Variants in MAP3K4 observed in about 807,000 individuals in gnomAD.
MAP3K4 encodes the protein MAP three kinase 1.
A neutral mutation model predicts 185.6 loss-of-function variants in MAP3K4; 67 were observed. The observed-to-expected ratio is 0.36, with a 90% CI of 0.30 to 0.44. The LOEUF is 0.44. Among genes scored for constraint, MAP3K4 ranks in the 20% least tolerant of loss-of-function variants. The pLI, the probability that MAP3K4 is intolerant of heterozygous loss-of-function variation, is 1.00. For synonymous variants in MAP3K4, 702 were observed against 710.4 expected, an observed-to-expected ratio of 0.99 and a Z score of 0.19; for missense variants, 1,551 against 1,995.1, an observed-to-expected ratio of 0.78 and a Z score of 4.24.
chr6:161,057,676 T>C (rs1459497226), intron 3 of MAP3K4, among the ~76,000 whole-genome samples: 4 of 152,160 alleles, frequency 2.6e-5, no homozygotes, highest in Non-Finnish European at 5.9e-5. Flanking sequence ...CTGATTAGGC[T>C]CCAGTGCTCT....
rs1784759913 is a variant in MAP3K4, at chr6:161,067,401, A to G, written c.1708-3207A>G. The G allele has an allele frequency of 5.4e-6, 1 of 184,108 alleles. No individual in the cohort carries two copies. 11.4% of individuals were successfully genotyped at this position (184,108 alleles called of 1,614,324 possible). On this transcript the variant is annotated intron_variant, in intron 3 of 26. Coordinates refer to ENST00000392142, the MANE Select transcript of MAP3K4 (RefSeq NM_005922.4). The surrounding 1 kb of genome is among the most constrained non-coding windows in gnomAD (Gnocchi z 6.3). ...ACAGGATGGGAGGCAGGTTTACCCT[A>G]AGCAGTTCCCAGCTTGACTTTTCCC...
chr6:161,028,924 T>C (rs1163884355), intron 1 of MAP3K4, among the ~76,000 whole-genome samples: 1 of 152,194 alleles, frequency 6.6e-6, no homozygotes, highest in East Asian at 1.9e-4. Context: ...GGATAACTTA[T>C]TAATAAATTG....
chr6:161,055,828 A>G (rs911750788), intron 3 of MAP3K4, among the ~76,000 whole-genome samples: 1 of 152,008 alleles, frequency 6.6e-6, no homozygotes, highest in Non-Finnish European at 1.5e-5. Flanking sequence ...AGGAGTTACT[A>G]TTTTTTCCTT....
At position 161,054,960 on chromosome 6, in the gene MAP3K4, TTCTTC is replaced by T. The variant is rs1784169589; in HGVS notation, c.1707+4986_1707+4990del. Among the ~76,000 whole-genome samples the T allele has an allele frequency of 6.6e-6, 1 of 152,254 alleles. No homozygotes were observed. The highest frequency in any genetic ancestry group is 1.9e-4 in the East Asian group (1 of 5,206). ...TTTTTATATTTTCTCATTTATCTTC[TTCTTC>T]TCTTATTCCATTGCTGTTTAGAACA... On this transcript the variant is annotated intron_variant, in intron 3 of 26. Transcript: ENST00000392142. This position sits in a 1 kb window ranked among gnomAD's most constrained non-coding sequence, Gnocchi z 4.2.
chr6:161,111,987 C>G, intron 24 of MAP3K4, 29 bp downstream of exon 24: 1 of 1,611,540 alleles, frequency 6.2e-7, no homozygotes, highest in Non-Finnish European at 8.5e-7. Context: ...GTTCTTTGCA[C>G]TCTGACTTCA....
chr6:161,108,879 A>G lies in MAP3K4; in HGVS notation c.4236+20A>G. 2.5e-6 allele frequency: 4 copies of G among 1,601,050 alleles called. No homozygotes were observed. Among genetic ancestry groups the G allele is most frequent in the Non-Finnish European group, 3.4e-6 (4 of 1,168,294 alleles). On this transcript the variant is annotated intron_variant, in intron 22 of 26. Coordinates refer to ENST00000392142, the MANE Select transcript of MAP3K4 (RefSeq NM_005922.4). The surrounding 1 kb of genome is among the most constrained non-coding windows in gnomAD (Gnocchi z 5.7). ...CATAGAGTAAGCCGACCCTAATGCC[A>G]CTCTTTGTGTGAGGAATCAGTGAGG...
At position 161,063,370 on chromosome 6, in the gene MAP3K4, T is replaced by C. The variant is rs1384045623; in HGVS notation, c.1708-7238T>C. On this transcript the variant is annotated intron_variant, in intron 3 of 26. Transcript: ENST00000392142. This position sits in a 1 kb window ranked among gnomAD's most constrained non-coding sequence, Gnocchi z 5.4. ...AGGGTTATTCTCCTTTTTCTCTCTC[T>C]GCTTATGGTAACCTTGTGCTAGATT... Among the ~76,000 whole-genome samples, 1 of 152,198 alleles carries C rather than the reference T, an allele frequency of 6.6e-6. No individual in the cohort carries two copies. Among genetic ancestry groups the C allele is most frequent in the Non-Finnish European group, 1.5e-5 (1 of 68,032 alleles).
chr6:161,029,627 T>C (rs1782828050), intron 1 of MAP3K4, among the ~76,000 whole-genome samples: 1 of 152,220 alleles, frequency 6.6e-6, no homozygotes, highest in South Asian at 2.1e-4. Context: ...AAGACAAATG[T>C]TTCAGGGCAG....
rs141197017 is a variant in MAP3K4 at position 160,994,034 on chromosome 6, G to C, written c.152+1951G>C. 8.4e-4 allele frequency among the ~76,000 whole-genome samples: 127 copies of C among 151,966 alleles called. 1 individual carries two copies. The highest frequency in any genetic ancestry group is 2.9e-3 in the African/African-American group (121 of 41,450). On this transcript the variant is annotated intron_variant, in intron 1 of 26. Coordinates refer to ENST00000392142, the MANE Select transcript of MAP3K4 (RefSeq NM_005922.4). ...TAGATCTTTGGTAAAAGATGTAGGG[G>C]GTCTATCCAGTTGTTCATTTGAACT... is the stretch of plus-strand genomic sequence containing the variant.
At chr6:160,998,114 C>T (rs1341510728) in intron 1 of MAP3K4, among the ~76,000 whole-genome samples, 1 of 152,154 alleles carries the variant, frequency 6.6e-6, no homozygotes, top group African/African-American at 2.4e-5. Flanking sequence ...TCAAAGAATT[C>T]TTTTGCCTTG....
chr6:161,107,050 GCACACA>G lies in MAP3K4; in HGVS notation c.4048+369_4048+374del, dbSNP rs3050252. ...TCTCTCTCTCTCTACACACGCGCGC[GCACACA>G]CACACACACACACACACACACACGC... On this transcript the variant is annotated intron_variant, in intron 20 of 26. Transcript: ENST00000392142. This position sits in a 1 kb window ranked among gnomAD's most constrained non-coding sequence, Gnocchi z 6.2. 4.1e-4 allele frequency among the ~76,000 whole-genome samples: 43 copies of G among 105,252 alleles called. No individual in the cohort carries two copies. In the East Asian group the frequency reaches 0.015, roughly 36 times the overall value. 69.0% of individuals were successfully genotyped at this position (105,252 alleles called of 152,430 possible). A position where few individuals can be genotyped will look rare whatever the true frequency, so the allele number is the denominator to read the frequency against.
intron 2 of MAP3K4, among the ~76,000 whole-genome samples, chr6:161,042,627 T>C (rs76604263): frequency 0.025 from 3,751 of 152,320 alleles, 172 homozygotes; most frequent in African/African-American, 0.086. Context: ...CTGTTTGTTC[T>C]TAAGGTTGGT....
At chr6:161,036,546 A>C (rs2115177720) in intron 2 of MAP3K4, among the ~76,000 whole-genome samples, 1 of 152,296 alleles carries the variant, frequency 6.6e-6, no homozygotes, top group East Asian at 1.9e-4. Flanking sequence ...CTATTTTATA[A>C]TGGCTTCTTA....
At chr6:161,090,315 T>G (rs1256699675) in intron 11 of MAP3K4, among the ~76,000 whole-genome samples, 1 of 152,262 alleles carries the variant, frequency 6.6e-6, no homozygotes, top group Non-Finnish European at 1.5e-5. Context: ...GAGACCGATT[T>G]GGAGCTATTG....
At chr6:161,020,376 T>A (rs1408423730) in intron 1 of MAP3K4, among the ~76,000 whole-genome samples, 1 of 152,044 alleles carries the variant, frequency 6.6e-6, no homozygotes, top group Non-Finnish European at 1.5e-5. Context: ...TAAAGAGTCC[T>A]GGGCCGGGCA....
intron 3 of MAP3K4, among the ~76,000 whole-genome samples, chr6:161,050,980 T>G (rs1783976972): frequency 6.6e-6 from 1 of 152,268 alleles, no homozygotes; most frequent in African/African-American, 2.4e-5. Context: ...AATGATGCAG[T>G]ATTTGCATAT....
intron 1 of MAP3K4, among the ~76,000 whole-genome samples, chr6:161,004,030 T>A (rs369350104): frequency 9.0e-4 from 137 of 152,192 alleles, no homozygotes; most frequent in African/African-American, 3.2e-3. Flanking sequence ...AGTTCTGATA[T>A]ATGCCAACAA....
At chr6:161,089,265 GAA>G (rs1296481634) in intron 10 of MAP3K4, 55 bp from the exon 11 acceptor site, 1 of 1,573,496 alleles carries the variant, frequency 6.4e-7, no homozygotes, top group African/African-American at 1.4e-5. Context: ...TGTTGAACTA[GAA>G]TAACAACTAG....
At position 161,034,187 on chromosome 6, in the gene MAP3K4, A is replaced by T; in HGVS notation, c.153-72A>T. On this transcript the variant is annotated intron_variant, in intron 1 of 26. Transcript: ENST00000392142. The surrounding 1 kb of genome is among the most constrained non-coding windows in gnomAD (Gnocchi z 4.4). Reference sequence around the variant, plus strand: ...CAAAAGTTTTACAAAGAATTATTTAAAAAATTATAAGTAAATTTGAATTCA... The same window carrying T: ...CAAAAGTTTTACAAAGAATTATTTATAAAATTATAAGTAAATTTGAATTCA... 2 of 1,226,814 alleles carry T rather than the reference A, an allele frequency of 1.6e-6. No homozygotes were observed. The highest frequency in any genetic ancestry group is 2.3e-6 in the Non-Finnish European group (2 of 886,610). 76.0% of individuals were successfully genotyped at this position (1,226,814 alleles called of 1,614,324 possible). A position where few individuals can be genotyped will look rare whatever the true frequency, so the allele number is the denominator to read the frequency against.
Sources: gnomAD v4.1 joint callset for allele counts (sites outside exome capture counted in the v4.1 genomes callset) on GRCh38, gnomAD v4.1.1 for gene constraint, Gnocchi (gnomAD v3.1) non-coding constraint, MANE v1.5 for transcripts, NCBI Gene and HGNC (gene_info 2026-07-23, HGNC 2026-07-21) for gene names.